Variants in KSR2 observed in about 807,000 individuals in gnomAD.
KSR2 encodes the protein kinase suppressor of ras 2.
KSR2 carries 25 observed loss-of-function variants against 107.8 expected under a neutral mutation model. That is an observed-to-expected ratio of 0.23 (90% CI 0.17 to 0.32). The LOEUF is 0.32. Among genes scored for constraint, KSR2 ranks in the 10% least tolerant of loss-of-function variants. The probability of loss-of-function intolerance (pLI) is 1.00; values close to 1 mark genes in which losing one functional copy is unlikely to be tolerated. For synonymous variants in KSR2, 480 were observed against 507.0 expected, an observed-to-expected ratio of 0.95 and a Z score of 0.71; for missense variants, 887 against 1,268.9, an observed-to-expected ratio of 0.70 and a Z score of 4.57.
chr12:117,545,896 T>C (rs1001100321), intron 9 of KSR2, among the ~76,000 whole-genome samples: 5 of 152,168 alleles, frequency 3.3e-5, no homozygotes, highest in African/African-American at 1.2e-4. Flanking sequence ...GAGTGAAGTT[T>C]TCCTTTATGT....
At chr12:117,599,875 G>A (rs746445325) in intron 5 of KSR2, among the ~76,000 whole-genome samples, 5 of 152,184 alleles carry the variant, frequency 3.3e-5, no homozygotes, top group South Asian at 2.1e-4. Context: ...GGGAGACAAC[G>A]GAAGGAGACG....
chr12:117,931,413 A>G (rs2137498720), intron 1 of KSR2, among the ~76,000 whole-genome samples: 1 of 152,278 alleles, frequency 6.6e-6, no homozygotes, highest in South Asian at 2.1e-4. Flanking sequence ...GGACATCACC[A>G]TGGCTCGGAT....
intron 17 of KSR2, among the ~76,000 whole-genome samples, chr12:117,475,300 G>A (rs879903751): frequency 5.3e-5 from 8 of 152,020 alleles, no homozygotes; most frequent in Non-Finnish European, 8.8e-5. Context: ...AGGATTGACC[G>A]TGCTTCCCTC....
At chr12:117,713,890 C>T (rs747100077) in intron 4 of KSR2, among the ~76,000 whole-genome samples, 3 of 152,216 alleles carry the variant, frequency 2.0e-5, no homozygotes, top group Non-Finnish European at 4.4e-5. Context: ...CTGATGCCAG[C>T]AACCCATTGC....
intron 1 of KSR2, among the ~76,000 whole-genome samples, chr12:117,952,352 T>A (rs539423467): frequency 6.6e-6 from 1 of 152,266 alleles, no homozygotes; most frequent in East Asian, 1.9e-4. Context: ...AAAAATTTAA[T>A]TTAAACAACT....
At chr12:117,593,306 G>A (rs1258356248) in intron 5 of KSR2, among the ~76,000 whole-genome samples, 1 of 152,262 alleles carries the variant, frequency 6.6e-6, no homozygotes, top group Non-Finnish European at 1.5e-5. Flanking sequence ...AAAACAGCCA[G>A]CCCTGTGCTC....
At chr12:117,797,365 T>C (rs1046605077) in intron 3 of KSR2, among the ~76,000 whole-genome samples, 3 of 152,126 alleles carry the variant, frequency 2.0e-5, no homozygotes, top group Non-Finnish European at 4.4e-5. Flanking sequence ...TTTTGATAAG[T>C]GAAAGAAGCC....
intron 4 of KSR2, among the ~76,000 whole-genome samples, chr12:117,687,626 G>A (rs1244378155): frequency 6.6e-6 from 1 of 152,108 alleles, no homozygotes; most frequent in East Asian, 1.9e-4. Flanking sequence ...TCTTGCAGAG[G>A]ACACTGGTTT....
intron 5 of KSR2, among the ~76,000 whole-genome samples, chr12:117,660,252 T>C (rs985407775): frequency 2.1e-4 from 32 of 152,160 alleles, no homozygotes; most frequent in African/African-American, 7.7e-4. Context: ...TACCAAAAAC[T>C]GGTGGCTTAA....
At chr12:117,854,757 T>G (rs1331084529) in intron 3 of KSR2, among the ~76,000 whole-genome samples, 1 of 152,146 alleles carries the variant, frequency 6.6e-6, no homozygotes, top group Non-Finnish European at 1.5e-5. Context: ...ATATCTGATG[T>G]TCTGCTAATA....
intron 4 of KSR2, among the ~76,000 whole-genome samples, chr12:117,667,902 T>C (rs1168040412): frequency 6.6e-6 from 1 of 152,138 alleles, no homozygotes; most frequent in Non-Finnish European, 1.5e-5. Context: ...CAGCCATTCT[T>C]TTTTGCCCAG....
In KSR2 at chr12:117,940,422, C is replaced by T. The variant is rs557996852; in HGVS notation, c.180+27654G>A. Among the ~76,000 whole-genome samples, 9 of 152,250 alleles carry T rather than the reference C, an allele frequency of 5.9e-5. No homozygotes were observed. In the East Asian group the frequency reaches 7.7e-4, roughly 13 times the overall value. ...GTGTAACATATATTATAGAAACCCA[C>T]GTATTTTGATTGTGAGGCACAATTT... On this transcript the variant is annotated intron_variant, in intron 1 of 19. Transcript: ENST00000339824.
chr12:117,535,448 A>C (rs1344798790), intron 10 of KSR2, among the ~76,000 whole-genome samples: 3 of 152,144 alleles, frequency 2.0e-5, no homozygotes, highest in African/African-American at 7.2e-5. Flanking sequence ...TAAAAGAGGC[A>C]CTCAGGAGAG....
chr12:117,833,491 T>G (rs151094321), intron 3 of KSR2, among the ~76,000 whole-genome samples: 1 of 152,266 alleles, frequency 6.6e-6, no homozygotes, highest in African/African-American at 2.4e-5. Context: ...GCCTCCTGAA[T>G]AGCTGGGACT....
intron 1 of KSR2, among the ~76,000 whole-genome samples, chr12:117,885,041 T>C (rs376475385): frequency 2.0e-5 from 3 of 152,158 alleles, no homozygotes; most frequent in East Asian, 3.9e-4. Flanking sequence ...CGAATATCCT[T>C]GGATATGTTA....
chr12:117,823,942 C>T (rs1476878832), intron 3 of KSR2, among the ~76,000 whole-genome samples: 1 of 152,222 alleles, frequency 6.6e-6, no homozygotes. Context: ...AAAGGGCTGC[C>T]TGCAACCCCA....
intron 12 of KSR2, among the ~76,000 whole-genome samples, chr12:117,528,822 A>G (rs577366436): frequency 1.3e-5 from 2 of 152,338 alleles, no homozygotes; most frequent in African/African-American, 4.8e-5. Context: ...CTATTCAAGT[A>G]TTTCCTTCTG....
chr12:117,900,810 T>C (rs17586140), intron 1 of KSR2, among the ~76,000 whole-genome samples: 4,919 of 152,300 alleles, frequency 0.032, 411 homozygotes, highest in East Asian at 0.31. Flanking sequence ...AAAGCAAGCA[T>C]GACGTGTAAG....
At chr12:117,692,503 TATAC>T (rs1885869272) in intron 4 of KSR2, among the ~76,000 whole-genome samples, 1 of 79,812 alleles carries the variant, frequency 1.3e-5, no homozygotes, top group African/African-American at 4.7e-5. Context: ...TATATATATA[TATAC>T]ACACACACAT....
Sources: allele counts gnomAD v4.1 joint callset (sites outside exome capture counted in the v4.1 genomes callset), GRCh38; gene constraint gnomAD v4.1.1; transcripts MANE v1.5; gene names NCBI Gene and HGNC (gene_info 2026-07-23, HGNC 2026-07-21).